Variants in CCDC192 observed in about 807,000 individuals in gnomAD.
CCDC192 encodes the protein coiled-coil domain containing 192.
intron 3 of CCDC192, among the ~76,000 whole-genome samples, chr5:127,769,411 GTA>G (rs1228687385): frequency 2.1e-4 from 32 of 150,554 alleles, no homozygotes; most frequent in African/African-American, 3.2e-4. Flanking sequence ...GATTTTGTGT[GTA>G]TGTGTGTGTG....
At chr5:127,813,041 G>A (rs563283789) in intron 5 of CCDC192, among the ~76,000 whole-genome samples, 38 of 152,106 alleles carry the variant, frequency 2.5e-4, no homozygotes, top group Admixed American at 9.2e-4. Flanking sequence ...TGATTTTACC[G>A]TTTCTTTGAC....
At chr5:127,794,317 A>T (rs2126961708) in intron 3 of CCDC192, among the ~76,000 whole-genome samples, 1 of 152,236 alleles carries the variant, frequency 6.6e-6, no homozygotes, top group East Asian at 1.9e-4. Flanking sequence ...ACTACTGAAA[A>T]CTTGAACTCC....
intron 3 of CCDC192, among the ~76,000 whole-genome samples, chr5:127,783,293 A>T (rs111246660): frequency 0.029 from 4,374 of 152,232 alleles, 195 homozygotes; most frequent in African/African-American, 0.099. Flanking sequence ...TGCACCCAGC[A>T]TCCCAGAGGT....
chr5:127,756,120 C>G (rs1236079007), intron 3 of CCDC192, among the ~76,000 whole-genome samples: 1 of 150,738 alleles, frequency 6.6e-6, no homozygotes, highest in African/African-American at 2.5e-5. Context: ...GCGACAGAGC[C>G]AGACTCTGTC....
intron 6 of CCDC192, among the ~76,000 whole-genome samples, chr5:127,902,096 C>T (rs538668393): frequency 4.7e-4 from 71 of 152,204 alleles, no homozygotes; most frequent in Non-Finnish European, 7.3e-4. Context: ...CATGGTGAAA[C>T]CCTGTCTCTA....
chr5:127,797,370 T>C, intron 4 of CCDC192, 136 bp downstream of exon 4: 1 of 367,162 alleles, frequency 2.7e-6, no homozygotes, highest in Non-Finnish European at 4.8e-6. Flanking sequence ...AATATTTGTA[T>C]TTGCTAAAAG....
chr5:127,886,236 A>G (rs1290461441), intron 6 of CCDC192, among the ~76,000 whole-genome samples: 1 of 152,198 alleles, frequency 6.6e-6, no homozygotes, highest in Non-Finnish European at 1.5e-5. Context: ...CTCCATAAAG[A>G]TGGTCAAGAC....
chr5:127,785,197 A>G (rs1030274489), intron 3 of CCDC192: 5 of 527,798 alleles, frequency 9.5e-6, no homozygotes, highest in African/African-American at 7.7e-5. Flanking sequence ...CAACTGATAT[A>G]ACCATGTCAA....
At chr5:127,906,079 G>A (rs537791483) in intron 6 of CCDC192, among the ~76,000 whole-genome samples, 1 of 152,172 alleles carries the variant, frequency 6.6e-6, no homozygotes, top group African/African-American at 2.4e-5. Context: ...ACAATTCAGT[G>A]CCATTAAGTA....
At chr5:127,902,170 G>A (rs1365196249) in intron 6 of CCDC192, among the ~76,000 whole-genome samples, 2 of 152,146 alleles carry the variant, frequency 1.3e-5, no homozygotes, top group African/African-American at 4.8e-5. Flanking sequence ...TACGAGGGAG[G>A]CTGAGGCAGG....
chr5:127,819,769 A>G (rs1277463911), intron 5 of CCDC192, among the ~76,000 whole-genome samples: 2 of 152,174 alleles, frequency 1.3e-5, no homozygotes, highest in East Asian at 3.9e-4. Context: ...AAAACAATTT[A>G]CAGGGAGATT....
At chr5:127,939,740 C>T (rs1230740918) in intron 6 of CCDC192, among the ~76,000 whole-genome samples, 2 of 149,558 alleles carry the variant, frequency 1.3e-5, no homozygotes, top group African/African-American at 5.0e-5. Context: ...GGTCCATTTT[C>T]AGCAGGTGTA....
chr5:127,785,201 A>G lies in CCDC192; in HGVS notation c.223-11902A>G, dbSNP rs534613563. 266 of 527,314 alleles carry G rather than the reference A, an allele frequency of 5.0e-4. 1 individual carries two copies. Among genetic ancestry groups the G allele is most frequent in the African/African-American group, 4.2e-3 (216 of 52,002 alleles). The allele number at this position is 527,314 out of a possible 1,614,324, so 32.7% of individuals were successfully genotyped here. On this transcript the variant is annotated intron_variant, in intron 3 of 6. Transcript: ENST00000514853. ...TCTCCTTTAGACAACTGATATAACC[A>G]TGTCAATTTTCAGCCACTGTGACAG...
intron 5 of CCDC192, among the ~76,000 whole-genome samples, chr5:127,838,998 T>C (rs1304884537): frequency 6.6e-6 from 1 of 152,214 alleles, no homozygotes; most frequent in Non-Finnish European, 1.5e-5. Flanking sequence ...GAAGCTGTTA[T>C]TCTCTTTAGG....
chr5:127,794,040 G>A (rs1757026177), intron 3 of CCDC192, among the ~76,000 whole-genome samples: 1 of 152,172 alleles, frequency 6.6e-6, no homozygotes, highest in African/African-American at 2.4e-5. Context: ...CCTGATGTCT[G>A]TGGGATAGCT....
chr5:127,746,254 TCCTATGTTATTTAATAACA>T, intron 2 of CCDC192, among the ~76,000 whole-genome samples: 1 of 152,228 alleles, frequency 6.6e-6, no homozygotes, highest in South Asian at 2.1e-4. Flanking sequence ...GTATGAAAAG[TCCTATGTTATTTAATAACA>T]GTCCTCGTTT....
rs541745675 is a variant in CCDC192, at chr5:127,739,510, T to C, written c.115-14758T>C. The C allele has an allele frequency of 6.1e-3, 982 of 161,632 alleles. 11 individuals carry two copies. The highest frequency in any genetic ancestry group is 0.019 in the African/African-American group (805 of 41,346). The allele number at this position is 161,632 out of a possible 1,614,324, so 10.0% of individuals were successfully genotyped here. A position where few individuals can be genotyped will look rare whatever the true frequency, so the allele number is the denominator to read the frequency against. ...TTACCTAATCAAGCCGGGGCAATGGTGGGCGCCCCTCCCCCAGCCTCGCTG... is the reference window on the plus strand; with the variant it reads ...TTACCTAATCAAGCCGGGGCAATGGCGGGCGCCCCTCCCCCAGCCTCGCTG... On this transcript the variant is annotated intron_variant, in intron 2 of 6. Coordinates refer to ENST00000514853, the MANE Select transcript of CCDC192 (RefSeq NM_001317938.2).
chr5:127,773,316 A>G (rs1474591239), intron 3 of CCDC192, among the ~76,000 whole-genome samples: 1 of 152,186 alleles, frequency 6.6e-6, no homozygotes, highest in Non-Finnish European at 1.5e-5. Flanking sequence ...TCATTTTGAA[A>G]TATACAATTC....
chr5:127,741,577 T>C (rs1183737501), intron 2 of CCDC192, among the ~76,000 whole-genome samples: 1 of 152,158 alleles, frequency 6.6e-6, no homozygotes, highest in Non-Finnish European at 1.5e-5. Context: ...TGTTATCAGG[T>C]GTTCAAAGGA....
Sources: allele counts gnomAD v4.1 joint callset (sites outside exome capture counted in the v4.1 genomes callset), GRCh38; gene constraint gnomAD v4.1.1; transcripts MANE v1.5; gene names NCBI Gene and HGNC (gene_info 2026-07-23, HGNC 2026-07-21).